Variants in PTP4A2 observed in about 807,000 individuals in gnomAD.
The protein encoded by PTP4A2 is protein tyrosine phosphatase 4A2, also known as protein tyrosine phosphatase type IVA 2.
A neutral mutation model predicts 22.9 loss-of-function variants in PTP4A2; 2 were observed. That is an observed-to-expected ratio of 0.09 (90% confidence interval 0.04 to 0.27). PTP4A2 has a LOEUF of 0.27. PTP4A2 is among the 10% of genes least tolerant of loss of function. PTP4A2 has a pLI of 1.00. For synonymous variants in PTP4A2, 68 were observed against 69.1 expected, an observed-to-expected ratio of 0.98 and a Z score of 0.08; for missense variants, 103 against 205.1, an observed-to-expected ratio of 0.50 and a Z score of 3.04.
chr1:31,916,543 G>A (rs1042298590), intron 2 of PTP4A2, among the ~76,000 whole-genome samples: 2 of 151,916 alleles, frequency 1.3e-5, no homozygotes, highest in Non-Finnish European at 2.9e-5. Context: ...TTACACAAAA[G>A]TTCACATACA....
rs771037309 is a variant in PTP4A2, at chr1:31,907,315, CT to C, written c.*1536del. ...AGAGGTGAAAATAGTGCAAGAGCCC[CT>C]GATGGTGCCCCTCTACCTGCTTTGT... is the stretch of plus-strand genomic sequence containing the variant. On this transcript the variant is annotated 3_prime_UTR_variant, in exon 6 of 6. Transcript: ENST00000647444. The C allele has an allele frequency of 1.3e-5, 2 of 152,240 alleles. No homozygotes were observed. Among genetic ancestry groups the C allele is most frequent in the Non-Finnish European group, 2.9e-5 (2 of 68,062 alleles). The allele number at this position is 152,240 out of a possible 1,614,324, so 9.4% of individuals were successfully genotyped here.
At chr1:31,928,199 TTA>T (rs1006784284) in intron 1 of PTP4A2, among the ~76,000 whole-genome samples, 2 of 144,242 alleles carry the variant, frequency 1.4e-5, no homozygotes, top group East Asian at 4.1e-4. Flanking sequence ...TAACATATAT[TTA>T]TATATTATAA....
At chr1:31,924,294 G>A (rs755479800) in intron 1 of PTP4A2, 1 of 152,114 alleles carries the variant, frequency 6.6e-6, no homozygotes, top group African/African-American at 2.4e-5. Flanking sequence ...ACCCAGCAAA[G>A]GAATTTCTGC....
At chr1:31,936,939 G>A (rs1424582336) in intron 1 of PTP4A2, among the ~76,000 whole-genome samples, 1 of 152,150 alleles carries the variant, frequency 6.6e-6, no homozygotes, top group Non-Finnish European at 1.5e-5. Flanking sequence ...AATGCCTACA[G>A]TGACACTAGA....
intron 5 of PTP4A2, among the ~76,000 whole-genome samples, chr1:31,909,653 C>A (rs1651428586): frequency 6.7e-6 from 1 of 149,868 alleles, no homozygotes; most frequent in Admixed American, 6.7e-5. Flanking sequence ...GCTTGAGCAA[C>A]AGAGCGAGAC....
chr1:31,922,414 C>CA (rs1470424188), intron 1 of PTP4A2, among the ~76,000 whole-genome samples: 1 of 152,104 alleles, frequency 6.6e-6, no homozygotes, highest in African/African-American at 2.4e-5. Flanking sequence ...ACCTGGGAGA[C>CA]AGAGGTTGCA....
chr1:31,928,158 ATAT>A (rs893108812), intron 1 of PTP4A2, among the ~76,000 whole-genome samples: 1 of 147,676 alleles, frequency 6.8e-6, no homozygotes, highest in Non-Finnish European at 1.5e-5. Context: ...ATTTAAATTA[ATAT>A]TATATTATAT....
chr1:31,929,139 C>T (rs1337856684), intron 1 of PTP4A2, among the ~76,000 whole-genome samples: 11 of 152,220 alleles, frequency 7.2e-5, no homozygotes, highest in South Asian at 2.1e-4. Flanking sequence ...ATTTACTTTA[C>T]AATTTTGTAC....
At chr1:31,921,429 C>T (rs776867699) in intron 1 of PTP4A2, 2 of 152,152 alleles carry the variant, frequency 1.3e-5, no homozygotes, top group Non-Finnish European at 2.9e-5. Context: ...ATAATTGCCT[C>T]AAGAATACAA....
chr1:31,930,662 T>C (rs1395903843), intron 1 of PTP4A2, among the ~76,000 whole-genome samples: 1 of 152,218 alleles, frequency 6.6e-6, no homozygotes. Flanking sequence ...AATTACATTA[T>C]AGTTCACAGA....
At chr1:31,932,818 C>G (rs1652777463) in intron 1 of PTP4A2, 1 of 151,738 alleles carries the variant, frequency 6.6e-6, no homozygotes, top group South Asian at 2.1e-4. Flanking sequence ...AAGATTTTCA[C>G]ACAATATGCA....
chr1:31,925,423 C>T (rs572603075), intron 1 of PTP4A2, among the ~76,000 whole-genome samples: 2 of 152,276 alleles, frequency 1.3e-5, no homozygotes, highest in South Asian at 4.1e-4. Flanking sequence ...GTAAAATTCA[C>T]GTCCTGCCTT....
At chr1:31,936,868 C>T (rs563173200) in intron 1 of PTP4A2, among the ~76,000 whole-genome samples, 1 of 152,302 alleles carries the variant, frequency 6.6e-6, no homozygotes, top group East Asian at 1.9e-4. Flanking sequence ...ACAGCAAGTA[C>T]CATATTCCAA....
rs1652307702 is a variant in PTP4A2 at position 31,923,608 on chromosome 1, A to G, written c.-593-3950T>C. ...CTCGGCCTCCCAAAGTGCTGGGATTACAGGCGTGAGCCACCGCGCCCAGCC... is the reference window on the plus strand; with the variant it reads ...CTCGGCCTCCCAAAGTGCTGGGATTGCAGGCGTGAGCCACCGCGCCCAGCC... On this transcript the variant is annotated intron_variant, in intron 1 of 5. Coordinates refer to ENST00000647444, the MANE Select transcript of PTP4A2 (RefSeq NM_080391.4). 2.0e-5 allele frequency among the ~76,000 whole-genome samples: 3 copies of G among 152,072 alleles called. No individual in the cohort carries two copies. In the South Asian group the frequency reaches 6.2e-4, roughly 32 times the overall value.
intron 1 of PTP4A2, chr1:31,931,274 C>G (rs780856815): frequency 2.3e-4 from 35 of 152,258 alleles, no homozygotes; most frequent in Non-Finnish European, 4.4e-4. Flanking sequence ...AAAGGTAAAA[C>G]TTTTATAATA....
At chr1:31,923,715 C>T (rs568066385) in intron 1 of PTP4A2, among the ~76,000 whole-genome samples, 5 of 151,918 alleles carry the variant, frequency 3.3e-5, no homozygotes, top group African/African-American at 7.2e-5. Context: ...TTTGGAGAGA[C>T]GGGGGCCTTG....
chr1:31,911,418 G>A (rs1327326788), intron 4 of PTP4A2: 2 of 252,790 alleles, frequency 7.9e-6, no homozygotes, highest in Non-Finnish European at 7.5e-6. Flanking sequence ...TTTTAATTTT[G>A]TTGCCAATTT....
chr1:31,925,721 C>T (rs1237809857), intron 1 of PTP4A2, among the ~76,000 whole-genome samples: 1 of 151,282 alleles, frequency 6.6e-6, no homozygotes, highest in Non-Finnish European at 1.5e-5. Context: ...GATCGCACCA[C>T]TGCACCCCAG....
intron 1 of PTP4A2, among the ~76,000 whole-genome samples, chr1:31,934,570 T>A (rs576162754): frequency 7.2e-4 from 110 of 152,318 alleles, no homozygotes; most frequent in South Asian, 1.9e-3. Context: ...CCTACTAAAT[T>A]TCAACTTTGT....
Sources: gnomAD v4.1 joint callset for allele counts (sites outside exome capture counted in the v4.1 genomes callset) on GRCh38, gnomAD v4.1.1 for gene constraint, MANE v1.5 for transcripts, NCBI Gene and HGNC (gene_info 2026-07-23, HGNC 2026-07-21) for gene names.